The following PCCA variants were observed in gnomAD, a reference collection of about 807,000 sequenced individuals.
The protein encoded by PCCA is propionyl-CoA carboxylase alpha chain, mitochondrial.
In PCCA, 74 loss-of-function variants were observed where a neutral mutation model predicts 101.3. The observed-to-expected ratio is 0.73, with a 90% CI of 0.61 to 0.89. The LOEUF is 0.89. Among genes scored for constraint, PCCA ranks in the 40% least tolerant of loss-of-function variants. PCCA has a pLI of 0.00. For missense variants in PCCA, 891 were observed against 907.0 expected (o/e 0.98, Z 0.23); for synonymous variants, 294 against 313.6 (o/e 0.94, Z 0.66).
At chr13:100,251,853 G>A (rs1236936867) in intron 8 of PCCA, among the ~76,000 whole-genome samples, 1 of 152,170 alleles carries the variant, frequency 6.6e-6, no homozygotes, top group Non-Finnish European at 1.5e-5. Context: ...AATTTAATGA[G>A]TGAATAATCA....
chr13:100,409,196 G>A (rs773634034), intron 19 of PCCA, among the ~76,000 whole-genome samples: 11 of 152,158 alleles, frequency 7.2e-5, no homozygotes, highest in Non-Finnish European at 1.2e-4. Context: ...AGCAGCAGGC[G>A]GTGGGGGCAC....
intron 6 of PCCA, among the ~76,000 whole-genome samples, chr13:100,192,389 G>C (rs536480757): frequency 6.6e-6 from 1 of 152,282 alleles, no homozygotes; most frequent in South Asian, 2.1e-4. Context: ...AGTGCCTGAC[G>C]TAGAGTTGGT....
intron 18 of PCCA, among the ~76,000 whole-genome samples, chr13:100,367,393 G>A (rs2075258854): frequency 1.3e-5 from 2 of 152,066 alleles, no homozygotes; most frequent in East Asian, 3.9e-4. Flanking sequence ...TTTCCAAGAT[G>A]AGGACTGTGT....
intron 1 of PCCA, among the ~76,000 whole-genome samples, chr13:100,101,629 C>G (rs1181922603): frequency 6.6e-6 from 1 of 151,918 alleles, no homozygotes; most frequent in African/African-American, 2.4e-5. Context: ...TGAGGAGTTT[C>G]GCTCTTGTTG....
At chr13:100,285,262 C>G (rs958675536) in intron 12 of PCCA, among the ~76,000 whole-genome samples, 1 of 152,184 alleles carries the variant, frequency 6.6e-6, no homozygotes, top group East Asian at 1.9e-4. Context: ...GGCAAATACT[C>G]TGGTGGGAAT....
At chr13:100,186,269 G>A (rs1029614766) in intron 6 of PCCA, among the ~76,000 whole-genome samples, 10 of 152,270 alleles carry the variant, frequency 6.6e-5, no homozygotes, top group African/African-American at 2.4e-4. Context: ...TGGATATGGC[G>A]TTTGAAACAA....
intron 8 of PCCA, among the ~76,000 whole-genome samples, chr13:100,244,723 T>G (rs533439846): frequency 6.6e-6 from 1 of 152,254 alleles, no homozygotes. Context: ...AGTATTTTTA[T>G]TTGCCTAAGT....
intron 8 of PCCA, among the ~76,000 whole-genome samples, chr13:100,238,826 A>G (rs1008142015): frequency 2.0e-5 from 3 of 152,208 alleles, no homozygotes; most frequent in East Asian, 3.9e-4. Context: ...CATTTTAACT[A>G]TGATTATGAT....
At chr13:100,208,916 A>G (rs977374531) in intron 6 of PCCA, among the ~76,000 whole-genome samples, 2 of 152,168 alleles carry the variant, frequency 1.3e-5, no homozygotes, top group East Asian at 1.9e-4. Context: ...AGAGCCTGGC[A>G]CAGAATTGGT....
At chr13:100,489,432 C>T (rs1181600228) in intron 21 of PCCA, among the ~76,000 whole-genome samples, 1 of 152,180 alleles carries the variant, frequency 6.6e-6, no homozygotes, top group Non-Finnish European at 1.5e-5. Context: ...AAAAGATTGA[C>T]CATCTAGCCC....
chr13:100,339,510 T>G (rs1431807559), intron 17 of PCCA, among the ~76,000 whole-genome samples: 2 of 152,240 alleles, frequency 1.3e-5, no homozygotes, highest in Non-Finnish European at 2.9e-5. Context: ...CACAACCTTC[T>G]TGAAGAATTA....
chr13:100,151,748 C>T (rs1342357891), intron 4 of PCCA, among the ~76,000 whole-genome samples: 1 of 152,052 alleles, frequency 6.6e-6, no homozygotes, highest in Non-Finnish European at 1.5e-5. Context: ...ATTTAAAATG[C>T]TTTACTTTTC....
intron 19 of PCCA, among the ~76,000 whole-genome samples, chr13:100,409,134 A>G (rs111465026): frequency 1.3e-5 from 2 of 152,168 alleles, no homozygotes; most frequent in African/African-American, 2.4e-5. Flanking sequence ...GTCCCTCCCA[A>G]AAAAGGAAGA....
chr13:100,380,818 A>G (rs2076182778), intron 19 of PCCA, among the ~76,000 whole-genome samples: 4 of 152,232 alleles, frequency 2.6e-5, no homozygotes, highest in Admixed American at 6.5e-5. Flanking sequence ...AGAGAATGGG[A>G]AAAAATATTT....
At chr13:100,402,109 C>T (rs2077402656) in intron 19 of PCCA, among the ~76,000 whole-genome samples, 1 of 152,250 alleles carries the variant, frequency 6.6e-6, no homozygotes, top group South Asian at 2.1e-4. Context: ...GCTGGAATAA[C>T]TGTAATCTGC....
Position 100,527,669 on chromosome 13 carries a change from T to A in PCCA, c.2041-6T>A. The A allele has an allele frequency of 6.2e-7, 1 of 1,609,478 alleles. No homozygotes were observed. Among genetic ancestry groups the A allele is most frequent in the Non-Finnish European group, 8.5e-7 (1 of 1,175,722 alleles). ...TTTAAAACTTCTGCCCATTTTTGTT[T>A]TCCAGGTAGCAGAAGGTCAAGAAAT... On this transcript the variant is annotated splice_polypyrimidine_tract_variant and splice_region_variant and intron_variant, in intron 22 of 23. Transcript: ENST00000376285.
Position 100,292,383 on chromosome 13 carries a change from T to A in PCCA, c.1066-9077T>A, listed in dbSNP as rs566941771. On this transcript the variant is annotated intron_variant, in intron 12 of 23. Transcript: ENST00000376285. ...AAGCAAGTTCCTTAACTTCTGTATGTTTTGATTTCCTCATTAGTAAAATGA... is the reference window on the plus strand; with the variant it reads ...AAGCAAGTTCCTTAACTTCTGTATGATTTGATTTCCTCATTAGTAAAATGA... Among the ~76,000 whole-genome samples the A allele has an allele frequency of 2.6e-5, 4 of 152,340 alleles. No homozygotes were observed. In the South Asian group the frequency reaches 8.3e-4, roughly 32 times the overall value.
At chr13:100,333,670 T>C (rs1595402562) in intron 17 of PCCA, among the ~76,000 whole-genome samples, 1 of 152,348 alleles carries the variant, frequency 6.6e-6, no homozygotes, top group East Asian at 1.9e-4. Flanking sequence ...TGGCCTATAA[T>C]GAACATTTTG....
chr13:100,131,638 T>C (rs937521649), intron 4 of PCCA, among the ~76,000 whole-genome samples: 11 of 152,202 alleles, frequency 7.2e-5, no homozygotes, highest in African/African-American at 2.2e-4. Flanking sequence ...CTTTTTTTTA[T>C]ACAGTGTTTT....
Sources: allele counts gnomAD v4.1 joint callset (sites outside exome capture counted in the v4.1 genomes callset), GRCh38; gene constraint gnomAD v4.1.1; transcripts MANE v1.5; gene names NCBI Gene and HGNC (gene_info 2026-07-23, HGNC 2026-07-21).